ARB2A: variants seen among roughly 807,000 people sequenced by gnomAD.
ARB2A encodes cotranscriptional regulator ARB2A.
the ARB2A span, among the ~76,000 whole-genome samples, chr5:93,890,320 T>C: frequency 6.6e-6 from 1 of 151,680 alleles, no homozygotes; most frequent in Non-Finnish European, 1.5e-5. Context: ...AAACATCAAA[T>C]ACATTATTTA....
At chr5:93,770,593 A>G in the ARB2A span, among the ~76,000 whole-genome samples, 51 of 152,188 alleles carry the variant, frequency 3.4e-4, no homozygotes, top group African/African-American at 1.2e-3. Context: ...TAAGCTGATA[A>G]GCAACTTCAG....
the ARB2A span, among the ~76,000 whole-genome samples, chr5:93,907,221 T>C: frequency 2.0e-5 from 3 of 151,388 alleles, no homozygotes; most frequent in Non-Finnish European, 4.4e-5. Flanking sequence ...TAATAAGAGA[T>C]ACTCCAGTGA....
At chr5:93,764,203 C>T in the ARB2A span, among the ~76,000 whole-genome samples, 1 of 151,976 alleles carries the variant, frequency 6.6e-6, no homozygotes, top group African/African-American at 2.4e-5. Flanking sequence ...AAAATCAGAG[C>T]AGAACTGAAG....
chr5:93,684,494 C>T, the ARB2A span, among the ~76,000 whole-genome samples: 1 of 152,176 alleles, frequency 6.6e-6, no homozygotes, highest in Non-Finnish European at 1.5e-5. Flanking sequence ...AAGCACATAA[C>T]ATATGCTCAA....
the ARB2A span, among the ~76,000 whole-genome samples, chr5:93,924,186 G>A: frequency 6.6e-6 from 1 of 152,128 alleles, no homozygotes; most frequent in Non-Finnish European, 1.5e-5. Flanking sequence ...TGCTTTCATA[G>A]ATCATTTTTG....
At chr5:93,627,641 C>G in the ARB2A span, among the ~76,000 whole-genome samples, 1 of 151,996 alleles carries the variant, frequency 6.6e-6, no homozygotes, top group African/African-American at 2.4e-5. Flanking sequence ...AGGGTTTCAC[C>G]ATGTTGGTCA....
the ARB2A span, among the ~76,000 whole-genome samples, chr5:94,034,765 C>G: frequency 6.6e-6 from 1 of 152,262 alleles, no homozygotes; most frequent in South Asian, 2.1e-4. Context: ...TCCCAAACCC[C>G]CAGGCCACAG....
At chr5:93,722,155 G>A in the ARB2A span, among the ~76,000 whole-genome samples, 3 of 152,174 alleles carry the variant, frequency 2.0e-5, no homozygotes, top group Admixed American at 1.3e-4. Flanking sequence ...ACATGAAGGC[G>A]GAGGATTCAT....
chr5:93,741,176 C>G, the ARB2A span: 1 of 1,613,874 alleles, frequency 6.2e-7, no homozygotes, highest in South Asian at 1.1e-5. Flanking sequence ...AACTCCTTGG[C>G]CAATTGCTGC....
At chr5:93,671,668 G>C in the ARB2A span, among the ~76,000 whole-genome samples, 1 of 151,858 alleles carries the variant, frequency 6.6e-6, no homozygotes, top group East Asian at 1.9e-4. Context: ...TTTTTGAGAT[G>C]ACCCCTCAAT....
the ARB2A span, among the ~76,000 whole-genome samples, chr5:93,877,053 T>C: frequency 4.6e-5 from 7 of 152,182 alleles, no homozygotes; most frequent in African/African-American, 1.7e-4. Flanking sequence ...TGCTAAGATT[T>C]CTATTCTGTA....
the ARB2A span, among the ~76,000 whole-genome samples, chr5:94,035,226 T>TATACATATACAC: frequency 4.0e-5 from 6 of 150,992 alleles, no homozygotes; most frequent in Non-Finnish European, 7.4e-5. Flanking sequence ...TACATATACA[T>TATACATATACAC]ATACATATAC....
At chr5:93,753,882 C>T in the ARB2A span, among the ~76,000 whole-genome samples, 1 of 152,114 alleles carries the variant, frequency 6.6e-6, no homozygotes, top group African/African-American at 2.4e-5. Context: ...CAATAGCATG[C>T]AGAAAAATGA....
chr5:93,933,380 T>C, the ARB2A span, among the ~76,000 whole-genome samples: 2 of 152,082 alleles, frequency 1.3e-5, no homozygotes, highest in Non-Finnish European at 2.9e-5. Context: ...CTATTCACAA[T>C]AGCAAAGACT....
chr5:93,845,508 G>A, the ARB2A span, among the ~76,000 whole-genome samples: 6 of 152,162 alleles, frequency 3.9e-5, no homozygotes, highest in Non-Finnish European at 8.8e-5. Flanking sequence ...TCACAGAAGA[G>A]GCAGTAAAAA....
chr5:93,980,489 A>G, the ARB2A span, among the ~76,000 whole-genome samples: 405 of 152,280 alleles, frequency 2.7e-3, 1 homozygote, highest in Non-Finnish European at 4.2e-3. Context: ...TCTTTTACCA[A>G]TTCAAGACAA....
the ARB2A span, among the ~76,000 whole-genome samples, chr5:93,829,764 T>C: frequency 6.6e-6 from 1 of 152,158 alleles, no homozygotes; most frequent in Non-Finnish European, 1.5e-5. Context: ...GAAAACCTTA[T>C]AGGGATTTTA....
the ARB2A span, among the ~76,000 whole-genome samples, chr5:94,022,557 T>C: frequency 6.6e-6 from 1 of 152,154 alleles, no homozygotes; most frequent in Non-Finnish European, 1.5e-5. Flanking sequence ...TACCTGGTAA[T>C]AGACACCAAT....
At chr5:93,856,291 G>T in the ARB2A span, among the ~76,000 whole-genome samples, 1 of 152,040 alleles carries the variant, frequency 6.6e-6, no homozygotes, top group Non-Finnish European at 1.5e-5. Context: ...AGTATCTTTG[G>T]GGTGTTCTCT....
Sources: gnomAD v4.1 joint callset for allele counts (sites outside exome capture counted in the v4.1 genomes callset) on GRCh38, gnomAD v4.1.1 for gene constraint, MANE v1.5 for transcripts, NCBI Gene and HGNC (gene_info 2026-07-23, HGNC 2026-07-21) for gene names.